Variants in SARNP observed in about 807,000 individuals in gnomAD.
SARNP encodes the protein SAP domain-containing ribonucleoprotein.
In SARNP, 5 loss-of-function variants were observed where a neutral mutation model predicts 38.1. The ratio of observed to expected loss-of-function variants is 0.13; its 90% CI spans 0.07 to 0.28. The LOEUF is 0.28. Among genes scored for constraint, SARNP ranks in the 10% least tolerant of loss-of-function variants. SARNP has a pLI of 1.00. For missense variants in SARNP, 180 were observed against 243.9 expected, an observed-to-expected ratio of 0.74 and a Z score of 1.75; for synonymous variants, 84 against 80.6, an observed-to-expected ratio of 1.04 and a Z score of -0.23.
intron 9 of SARNP, among the ~76,000 whole-genome samples, chr12:55,788,286 A>G (rs904810514): frequency 4.6e-5 from 7 of 152,214 alleles, no homozygotes; most frequent in Non-Finnish European, 8.8e-5. Flanking sequence ...TGCTTAATAA[A>G]CTAAATAATA....
chr12:55,770,695 G>C (rs1379402119), intron 9 of SARNP, among the ~76,000 whole-genome samples: 2 of 152,192 alleles, frequency 1.3e-5, no homozygotes, highest in South Asian at 4.1e-4. Flanking sequence ...TTTTACAGCA[G>C]AGTACCATTA....
intron 9 of SARNP, among the ~76,000 whole-genome samples, chr12:55,773,574 A>G (rs973243465): frequency 6.6e-6 from 1 of 152,218 alleles, no homozygotes; most frequent in Non-Finnish European, 1.5e-5. Flanking sequence ...CCAAAACAAG[A>G]TCAGGGCACA....
At chr12:55,787,241 T>TAAAAAAAAA (rs4016515) in intron 9 of SARNP, among the ~76,000 whole-genome samples, 14 of 103,454 alleles carry the variant, frequency 1.4e-4, no homozygotes, top group African/African-American at 4.1e-4. Flanking sequence ...CAAAAAAGAC[T>TAAAAAAAAA]AAAAAAAAAA....
chr12:55,760,070 TTCCAAACGTTATAC>T (rs1878628470), intron 10 of SARNP, among the ~76,000 whole-genome samples: 1 of 152,174 alleles, frequency 6.6e-6, no homozygotes, highest in Non-Finnish European at 1.5e-5. Context: ...GCCTACCTGA[TTCCAAACGTTATAC>T]TCTTTGCCAC....
Position 55,788,839 on chromosome 12 carries a change from C to T in SARNP, c.501+236G>A, listed in dbSNP as rs146000418. Among the ~76,000 whole-genome samples the T allele has an allele frequency of 7.2e-5, 11 of 152,200 alleles. No individual in the cohort carries two copies. The East Asian group carries it at 2.1e-3, about 29-fold the overall frequency. On this transcript the variant is annotated intron_variant, in intron 9 of 10. Coordinates refer to ENST00000336133, the MANE Select transcript of SARNP (RefSeq NM_033082.4). ...AGAAAGAAAAGAAATGTAGACCACG[C>T]TCTAGCAGCCTGGGTGAAAGCTATG...
At chr12:55,814,289 T>C (rs1271654900) in intron 1 of SARNP, among the ~76,000 whole-genome samples, 1 of 152,206 alleles carries the variant, frequency 6.6e-6, no homozygotes, top group African/African-American at 2.4e-5. Flanking sequence ...GCCCTACTTC[T>C]TACATGACAA....
At chr12:55,812,366 CTTT>C (rs1200334504) in intron 1 of SARNP, among the ~76,000 whole-genome samples, 1 of 152,146 alleles carries the variant, frequency 6.6e-6, no homozygotes, top group African/African-American at 2.4e-5. Context: ...ATAAATTTTA[CTTT>C]TTATTTTGCC....
intron 4 of SARNP, among the ~76,000 whole-genome samples, chr12:55,796,923 T>A (rs1879837631): frequency 6.6e-6 from 1 of 152,014 alleles, no homozygotes; most frequent in Non-Finnish European, 1.5e-5. Flanking sequence ...TAAGGGGAGT[T>A]TGAATTAGGA....
intron 7 of SARNP, among the ~76,000 whole-genome samples, chr12:55,792,149 A>C (rs537189903): frequency 1.3e-5 from 2 of 152,266 alleles, no homozygotes; most frequent in Admixed American, 6.5e-5. Flanking sequence ...CACCAATTAT[A>C]TCTCTCTTGA....
At chr12:55,796,594 GGTTT>G (rs1415583037) in intron 4 of SARNP, among the ~76,000 whole-genome samples, 1 of 151,950 alleles carries the variant, frequency 6.6e-6, no homozygotes, top group Non-Finnish European at 1.5e-5. Context: ...GTAGAGATAG[GGTTT>G]CACCATGTTG....
intron 9 of SARNP, among the ~76,000 whole-genome samples, chr12:55,767,774 G>C (rs1047638838): frequency 6.7e-6 from 1 of 149,626 alleles, no homozygotes; most frequent in African/African-American, 2.5e-5. Flanking sequence ...GTGAACCCGG[G>C]AGGCAGAGCT....
intron 7 of SARNP, 69 bp from the exon 8 acceptor site, chr12:55,790,661 A>T: frequency 7.4e-7 from 1 of 1,360,412 alleles, no homozygotes; most frequent in Non-Finnish European, 9.7e-7. Flanking sequence ...TTCAAGTCAA[A>T]TTAGGCAACA....
chr12:55,812,332 T>A (rs917791392), intron 1 of SARNP, among the ~76,000 whole-genome samples: 1 of 152,230 alleles, frequency 6.6e-6, no homozygotes, highest in Non-Finnish European at 1.5e-5. Flanking sequence ...TCTATGTGCC[T>A]TATCAATCAC....
chr12:55,753,342 G>A (rs1565667432), downstream of SARNP: 1 of 152,320 alleles, frequency 6.6e-6, no homozygotes, highest in East Asian at 1.9e-4. Context: ...TGTTACACAA[G>A]AGTGGCTAAA....
intron 1 of SARNP, among the ~76,000 whole-genome samples, chr12:55,814,893 T>C (rs1048680925): frequency 2.7e-5 from 4 of 150,764 alleles, no homozygotes; most frequent in African/African-American, 9.8e-5. Context: ...AAAAAAAGAA[T>C]GACTGCATTT....
At position 55,789,119 on chromosome 12, in the gene SARNP, T is replaced by C; in HGVS notation, c.457A>G (p.Arg153Gly). ...PMVNLDKLKE[R>G]AQRFGLNVSS... ...ACATTCAAACCAAATCTTTGAGCTC[T>C]TTCCTTCAGCTTATCCAAGTTAACC... Residue 153 changes from arginine to glycine, a missense_variant, in exon 9 of 11, where the codon AGA (arginine) becomes GGA (glycine). Arg to Gly is a moderately radical substitution (Grantham distance 125). Transcript: ENST00000336133. 6.2e-7 allele frequency: 1 copy of C among 1,602,428 alleles called. No homozygotes were observed. Among genetic ancestry groups the C allele is most frequent in the Non-Finnish European group, 8.5e-7 (1 of 1,176,018 alleles).
At chr12:55,762,283 G>A (rs1878699878) in intron 9 of SARNP, among the ~76,000 whole-genome samples, 3 of 151,640 alleles carry the variant, frequency 2.0e-5, no homozygotes, top group Admixed American at 6.6e-5. Flanking sequence ...GTGGGACTCC[G>A]TCTCCAAAGA....
chr12:55,807,340 T>C (rs1200112190), intron 1 of SARNP, among the ~76,000 whole-genome samples: 1 of 152,170 alleles, frequency 6.6e-6, no homozygotes. Context: ...GAACCACGCC[T>C]TAAGTAACAT....
At chr12:55,763,307 A>T (rs1361832880) in intron 9 of SARNP, among the ~76,000 whole-genome samples, 3 of 143,152 alleles carry the variant, frequency 2.1e-5, no homozygotes, top group Non-Finnish European at 3.1e-5. Context: ...CTCATTTACT[A>T]CTTTTTTTTT....
Sources: gnomAD v4.1 joint callset for allele counts (sites outside exome capture counted in the v4.1 genomes callset) on GRCh38, gnomAD v4.1.1 for gene constraint, MANE v1.5 for transcripts, NCBI Gene and HGNC (gene_info 2026-07-23, HGNC 2026-07-21) for gene names.